The following GTF2E1 variants were observed in gnomAD, a reference collection of about 807,000 sequenced individuals.
GTF2E1 encodes the protein general transcription factor IIE subunit 1.
In GTF2E1, 14 loss-of-function variants were observed where a neutral mutation model predicts 34.9. The observed-to-expected ratio is 0.40, with a 90% CI of 0.27 to 0.63. The LOEUF is 0.63. GTF2E1 is among the 20% of genes least tolerant of loss of function. The probability of loss-of-function intolerance (pLI) is 0.39; values close to 1 mark genes in which losing one functional copy is unlikely to be tolerated. For missense variants in GTF2E1, 469 were observed against 557.7 expected (o/e 0.84, Z 1.60); for synonymous variants, 188 against 192.9 (o/e 0.97, Z 0.21).
intron 2 of GTF2E1, among the ~76,000 whole-genome samples, chr3:120,760,405 T>C (rs973872439): frequency 2.0e-5 from 3 of 152,222 alleles, no homozygotes; most frequent in Admixed American, 6.5e-5. Context: ...ATTTTCCTAA[T>C]TGAATACCCT....
intron 3 of GTF2E1, among the ~76,000 whole-genome samples, chr3:120,774,308 G>C (rs1051144080): frequency 2.6e-5 from 4 of 152,144 alleles, no homozygotes; most frequent in Admixed American, 1.3e-4. Context: ...TGTGAGAGGA[G>C]AGGCCAGAAT....
intron 3 of GTF2E1, among the ~76,000 whole-genome samples, chr3:120,773,409 G>T (rs965017942): frequency 2.6e-5 from 4 of 152,032 alleles, no homozygotes; most frequent in African/African-American, 9.7e-5. Context: ...TAAATAAGTG[G>T]CAATATTATT....
chr3:120,758,892 T>G (rs143659182), intron 2 of GTF2E1, among the ~76,000 whole-genome samples: 3 of 152,226 alleles, frequency 2.0e-5, no homozygotes, highest in Admixed American at 2.0e-4. Flanking sequence ...CGTGTGCATG[T>G]GTCTTTATAG....
intron 1 of GTF2E1, 109 bp downstream of exon 1, chr3:120,742,903 C>T: frequency 4.0e-6 from 1 of 249,812 alleles, no homozygotes; most frequent in South Asian, 4.1e-5. Flanking sequence ...AATGAATTAC[C>T]CTGTTGCCTT....
Position 120,746,279 on chromosome 3 carries a change from A to G in GTF2E1, c.-31+3485A>G, listed in dbSNP as rs181916120. ...TAGTTCAATGGGATGTCTCTCTTAA[A>G]AATTATCCTGTGGAGCCTGGCTAAG... is the stretch of plus-strand genomic sequence containing the variant. On this transcript the variant is annotated intron_variant, in intron 1 of 4. Coordinates refer to ENST00000283875, the MANE Select transcript of GTF2E1 (RefSeq NM_005513.3). Among the ~76,000 whole-genome samples the G allele has an allele frequency of 2.4e-4, 36 of 152,286 alleles. No homozygotes were observed. In the East Asian group the frequency reaches 6.9e-3, roughly 29 times the overall value.
intron 2 of GTF2E1, among the ~76,000 whole-genome samples, chr3:120,759,452 A>T (rs528320073): frequency 6.6e-6 from 1 of 152,112 alleles, no homozygotes; most frequent in South Asian, 2.1e-4. Flanking sequence ...ATTAGATTCC[A>T]TTTGTCTATT....
chr3:120,781,051 G>T lies in GTF2E1; in HGVS notation c.901G>T (p.Asp301Tyr). The T allele has an allele frequency of 2.5e-6, 4 of 1,610,648 alleles. No individual in the cohort carries two copies. In the South Asian group the frequency reaches 3.3e-5, roughly 13 times the overall value. The change falls in exon 5 of 5, where the codon GAT becomes TAT. Residue 301 changes from aspartate (D) to tyrosine (Y), a missense_variant. Transcript: ENST00000283875. ...TGAGTTTTACTCCCCAGGGGGCATA[G>T]ATATGGACGCATTTCAGGAGCGTGA... ...GSEDMKEGGI[D>Y]MDAFQEREEG... is the part of the protein sequence containing the mutation.
intron 1 of GTF2E1, 27 bp downstream of exon 1, chr3:120,742,821 C>CG: frequency 2.4e-6 from 1 of 412,584 alleles, no homozygotes; most frequent in Non-Finnish European, 4.5e-6. Flanking sequence ...GTTCCTTGTT[C>CG]GGAGTTCCCT....
At chr3:120,748,338 T>G (rs1460616684) in intron 1 of GTF2E1, among the ~76,000 whole-genome samples, 85 of 152,082 alleles carry the variant, frequency 5.6e-4, no homozygotes, top group Non-Finnish European at 9.6e-4. Flanking sequence ...GCCTATGTCC[T>G]GAATGGTAAT....
At chr3:120,767,304 A>G (rs1246406594) in intron 2 of GTF2E1, among the ~76,000 whole-genome samples, 1 of 152,188 alleles carries the variant, frequency 6.6e-6, no homozygotes, top group Non-Finnish European at 1.5e-5. Context: ...AGACAGAGAT[A>G]GTATTTCTCT....
chr3:120,748,268 G>A (rs1709126206), intron 1 of GTF2E1, among the ~76,000 whole-genome samples: 1 of 150,926 alleles, frequency 6.6e-6, no homozygotes, highest in African/African-American at 2.4e-5. Context: ...GATCCCATTT[G>A]TCAATTTTGG....
At chr3:120,757,560 G>A (rs1709219496) in intron 2 of GTF2E1, among the ~76,000 whole-genome samples, 1 of 152,098 alleles carries the variant, frequency 6.6e-6, no homozygotes, top group Non-Finnish European at 1.5e-5. Flanking sequence ...TGTCATGTGT[G>A]TTACTGTTTG....
chr3:120,770,963 C>G, intron 3 of GTF2E1, 34 bp downstream of exon 3: 1 of 1,544,390 alleles, frequency 6.5e-7, no homozygotes, highest in Non-Finnish European at 9.0e-7. Flanking sequence ...ACTAAGAACA[C>G]ATTTCAACCT....
rs1709449612 is a variant in GTF2E1 at position 120,781,681 on chromosome 3, A to G, written c.*211A>G. ...GAGAATCCTACCCTTCCTTGCTGTCACTACAGTATTAATATTTTACTGTAT... is the reference window on the plus strand; with the variant it reads ...GAGAATCCTACCCTTCCTTGCTGTCGCTACAGTATTAATATTTTACTGTAT... On this transcript the variant is annotated 3_prime_UTR_variant, in exon 5 of 5. Coordinates refer to ENST00000283875, the MANE Select transcript of GTF2E1 (RefSeq NM_005513.3). 1.8e-6 allele frequency: 1 copy of G among 555,910 alleles called. No individual in the cohort carries two copies. The highest frequency in any genetic ancestry group is 2.5e-5 in the South Asian group (1 of 40,504). The allele number at this position is 555,910 out of a possible 1,614,324, so 34.4% of individuals were successfully genotyped here.
intron 3 of GTF2E1, among the ~76,000 whole-genome samples, chr3:120,773,102 C>T (rs1351292004): frequency 6.6e-6 from 1 of 152,022 alleles, no homozygotes; most frequent in Non-Finnish European, 1.5e-5. Context: ...AATGGGGTTC[C>T]TAGAGCTGCC....
chr3:120,764,077 A>C (rs1709287155), intron 2 of GTF2E1, among the ~76,000 whole-genome samples: 1 of 152,128 alleles, frequency 6.6e-6, no homozygotes, highest in Admixed American at 6.6e-5. Flanking sequence ...AAACATTTGC[A>C]TGACTTGCTC....
intron 4 of GTF2E1, among the ~76,000 whole-genome samples, chr3:120,778,812 T>A (rs553716277): frequency 6.6e-6 from 1 of 152,344 alleles, no homozygotes; most frequent in Admixed American, 6.5e-5. Flanking sequence ...GTGCCTTGAA[T>A]CCAATAGCTT....
intron 2 of GTF2E1, among the ~76,000 whole-genome samples, chr3:120,770,411 TGTG>T (rs1166106125): frequency 6.6e-6 from 1 of 152,128 alleles, no homozygotes; most frequent in Admixed American, 6.6e-5. Context: ...GGGTACAAGT[TGTG>T]GTGGTAAGCT....
At chr3:120,747,875 G>A (rs958062546) in intron 1 of GTF2E1, among the ~76,000 whole-genome samples, 4 of 152,224 alleles carry the variant, frequency 2.6e-5, no homozygotes, top group African/African-American at 4.8e-5. Flanking sequence ...CAGTGTAAAA[G>A]TCTGTTCCTA....
Sources: allele counts gnomAD v4.1 joint callset (sites outside exome capture counted in the v4.1 genomes callset), GRCh38; gene constraint gnomAD v4.1.1; transcripts MANE v1.5; gene names NCBI Gene and HGNC (gene_info 2026-07-23, HGNC 2026-07-21).